The following TRPV1 variants were observed in gnomAD, a reference collection of about 807,000 sequenced individuals.
The protein encoded by TRPV1 is OTRPC1.
Under a neutral mutation model 82.3 loss-of-function variants are expected in TRPV1, and 82 were observed. The observed-to-expected ratio is 1.00, with a 90% CI of 0.83 to 1.20. TRPV1 has a LOEUF of 1.20. Ranked by LOEUF, TRPV1 falls within the 50% of genes most tolerant of loss-of-function variation. The pLI, the probability that TRPV1 is intolerant of heterozygous loss-of-function variation, is 0.00. For missense variants in TRPV1, 1,067 were observed against 1,096.8 expected, an observed-to-expected ratio of 0.97 and a Z score of 0.38; for synonymous variants, 515 against 467.7, an observed-to-expected ratio of 1.10 and a Z score of -1.30.
Position 3,577,767 on chromosome 17 carries a change from C to G in TRPV1, c.1548-4G>C. Reference sequence around the variant, plus strand: ...CATGAACAGTGACTGCAGAAAGCTGCGGGTGGAGGGGCAGAAAGCTCCGTC... The same window carrying G: ...CATGAACAGTGACTGCAGAAAGCTGGGGGTGGAGGGGCAGAAAGCTCCGTC... On this transcript the variant is annotated splice_region_variant and splice_polypyrimidine_tract_variant and intron_variant, in intron 11 of 16. Transcript: ENST00000572705. 1 of 1,587,446 alleles carries G rather than the reference C, an allele frequency of 6.3e-7. No individual in the cohort carries two copies. The highest frequency in any genetic ancestry group is 8.6e-7 in the Non-Finnish European group (1 of 1,167,176).
intron 9 of TRPV1, 71 bp from the exon 10 acceptor site, chr17:3,583,501 T>C (rs2075047219): frequency 3.1e-6 from 4 of 1,275,574 alleles, no homozygotes; most frequent in Non-Finnish European, 4.5e-6. Flanking sequence ...ACCAGGTCCA[T>C]GAAGCCATAG....
chr17:3,580,745 G>GCC (rs1178793195), intron 10 of TRPV1, among the ~76,000 whole-genome samples: 7 of 152,202 alleles, frequency 4.6e-5, no homozygotes, highest in African/African-American at 1.7e-4. Context: ...AGCCGGGCAT[G>GCC]GTGGCTCACG....
intron 11 of TRPV1, chr17:3,578,301 C>T (rs1415057126): frequency 6.7e-6 from 1 of 148,642 alleles, no homozygotes; most frequent in Admixed American, 6.9e-5. Context: ...GAGCGAGACT[C>T]CGTCTCAAAT....
chr17:3,573,532 G>GGC lies in TRPV1; in HGVS notation c.2103+100_2103+101insGC. 6.2e-5 allele frequency: 16 copies of GGC among 257,072 alleles called. 1 individual carries two copies. The highest frequency in any genetic ancestry group is 1.8e-4 in the South Asian group (6 of 33,504). 15.9% of individuals were successfully genotyped at this position (257,072 alleles called of 1,614,324 possible). A position where few individuals can be genotyped will look rare whatever the true frequency, so the allele number is the denominator to read the frequency against. On this transcript the variant is annotated intron_variant, in intron 14 of 16. Coordinates refer to ENST00000572705, the MANE Select transcript of TRPV1 (RefSeq NM_080704.4). ...GCCCATACCCTCCTGGCCACACACC[G>GGC]CCCCCACCACCCACCCACCTGCAGC...
At chr17:3,606,583 G>A (rs1023386174) in intron 2 of TRPV1, among the ~76,000 whole-genome samples, 2 of 152,104 alleles carry the variant, frequency 1.3e-5, no homozygotes, top group African/African-American at 2.4e-5. Flanking sequence ...GAAGCATGCC[G>A]GCCTCAAACC....
At position 3,583,552 on chromosome 17, in the gene TRPV1, C is replaced by T. The variant is rs998659139; in HGVS notation, c.1384-122G>A. On this transcript the variant is annotated intron_variant, in intron 9 of 16. Coordinates refer to ENST00000572705, the MANE Select transcript of TRPV1 (RefSeq NM_080704.4). ...CACAGCCTCCATCAGGGGAAGGACA[C>T]ACAAAGACAGTGTGTTATTAGGGGA... 63 of 827,754 alleles carry T rather than the reference C, an allele frequency of 7.6e-5. 1 individual carries two copies. In the African/African-American group the frequency reaches 9.5e-4, roughly 12 times the overall value. 51.3% of individuals were successfully genotyped at this position (827,754 alleles called of 1,614,324 possible). A position where few individuals can be genotyped will look rare whatever the true frequency, so the allele number is the denominator to read the frequency against.
At position 3,583,364 on chromosome 17, in the gene TRPV1, C is replaced by G; in HGVS notation, c.1450G>C (p.Gly484Arg). ...RVTGEILSVL[G>R]GVYFFFRGIQ... ...CCTCGGAAAAAGAAGTAGACTCCTC[C>G]TAACACAGACAGGATCTCTCCAGTA... The change falls in exon 10 of 17, where the codon GGA becomes CGA. Residue 484 changes from glycine (G) to arginine (R), a missense_variant. Coordinates refer to ENST00000572705, the MANE Select transcript of TRPV1 (RefSeq NM_080704.4). 1 of 1,610,220 alleles carries G rather than the reference C, an allele frequency of 6.2e-7. No individual in the cohort carries two copies. Among genetic ancestry groups the G allele is most frequent in the South Asian group, 1.1e-5 (1 of 90,054 alleles).
rs777303259 is a variant in TRPV1 at position 3,588,171 on chromosome 17, G to A, written c.1224+17C>T. ...AGAGGCCCTGAGGCCCTCCCTGGCTGTGCCCCAGCCACTCACAGGGGTCTC... is the reference window on the plus strand; with the variant it reads ...AGAGGCCCTGAGGCCCTCCCTGGCTATGCCCCAGCCACTCACAGGGGTCTC... On this transcript the variant is annotated intron_variant, in intron 8 of 16. Transcript: ENST00000572705. 3.4e-5 allele frequency: 52 copies of A among 1,548,104 alleles called. No individual in the cohort carries two copies. The South Asian group carries it at 5.6e-4, about 17-fold the overall frequency.
At chr17:3,574,088 A>C in intron 13 of TRPV1, 133 bp from the exon 14 acceptor site, 1 of 758,574 alleles carries the variant, frequency 1.3e-6, no homozygotes, top group Non-Finnish European at 2.1e-6. Context: ...CCTTCTTTAA[A>C]ACTATCAAAA....
At chr17:3,573,030 T>C (rs980642778) in intron 14 of TRPV1, among the ~76,000 whole-genome samples, 2 of 148,530 alleles carry the variant, frequency 1.3e-5, no homozygotes, top group Non-Finnish European at 3.0e-5. Flanking sequence ...TAGAATCCAC[T>C]TCACAGGACT....
chr17:3,579,785 G>A (rs1340532799), intron 11 of TRPV1, among the ~76,000 whole-genome samples: 9 of 152,174 alleles, frequency 5.9e-5, no homozygotes, highest in South Asian at 2.1e-4. Flanking sequence ...CATCCAAACT[G>A]TTCTATAACT....
intron 12 of TRPV1, 69 bp from the exon 13 acceptor site, chr17:3,577,261 G>GC (rs2074946057): frequency 6.6e-7 from 1 of 1,506,768 alleles, no homozygotes; most frequent in African/African-American, 1.4e-5. Flanking sequence ...GGGCCGGGCC[G>GC]CATCGGCCTG....
chr17:3,569,274 A>G (rs1211930634), intron 16 of TRPV1, among the ~76,000 whole-genome samples: 2 of 152,208 alleles, frequency 1.3e-5, no homozygotes, highest in African/African-American at 4.8e-5. Context: ...AATAAAAAAA[A>G]AAATTAGCCG....
rs966270482 is a variant in TRPV1, at chr17:3,577,244, G to A, written c.1714-52C>T. On this transcript the variant is annotated intron_variant, in intron 12 of 16. Transcript: ENST00000572705. ...GCCGAGGCCAGGCCCAGGAGGAGCT[G>A]AGGGAAGGGCCGGGCCGCATCGGCC... 8.4e-6 allele frequency: 13 copies of A among 1,547,734 alleles called. No individual in the cohort carries two copies. The Admixed American group carries it at 2.5e-4, about 30-fold the overall frequency.
At chr17:3,584,254 ACT>A (rs1487198352) in intron 9 of TRPV1, among the ~76,000 whole-genome samples, 1 of 151,554 alleles carries the variant, frequency 6.6e-6, no homozygotes, top group African/African-American at 2.4e-5. Flanking sequence ...ACAGAGCGAG[ACT>A]CTGTCTCAAA....
At chr17:3,591,492 C>T (rs2075157397) in intron 3 of TRPV1, 139 bp from the exon 4 acceptor site, 1 of 995,034 alleles carries the variant, frequency 1.0e-6, no homozygotes, top group South Asian at 1.7e-5. Flanking sequence ...GCCCCTCAGT[C>T]TAGGTGACTG....
At chr17:3,591,947 C>A in intron 3 of TRPV1, 120 bp downstream of exon 3, 1 of 1,395,084 alleles carries the variant, frequency 7.2e-7, no homozygotes. Context: ...ACCAGACCAC[C>A]CCTAAGGCTC....
chr17:3,582,054 G>A (rs371400036), intron 10 of TRPV1, among the ~76,000 whole-genome samples: 127 of 149,314 alleles, frequency 8.5e-4, no homozygotes, highest in Middle Eastern at 6.9e-3. Context: ...GCCGGGCGTG[G>A]TGGCGGGTGC....
At chr17:3,578,590 T>C (rs1438592620) in intron 11 of TRPV1, 1 of 152,242 alleles carries the variant, frequency 6.6e-6, no homozygotes, top group African/African-American at 2.4e-5. Flanking sequence ...CTGCTTCTCT[T>C]AGGCAGGTAA....
Sources: allele counts gnomAD v4.1 joint callset (sites outside exome capture counted in the v4.1 genomes callset), GRCh38; gene constraint gnomAD v4.1.1; transcripts MANE v1.5; gene names NCBI Gene and HGNC (gene_info 2026-07-23, HGNC 2026-07-21).